The following TSTD2 variants were observed in gnomAD, a reference collection of about 807,000 sequenced individuals.
TSTD2 encodes thiosulfate sulfurtransferase/rhodanese-like domain-containing protein 2.
TSTD2 carries 37 observed loss-of-function variants against 47.9 expected under a neutral mutation model. The observed-to-expected ratio is 0.77, with a 90% CI of 0.59 to 1.02. The LOEUF (loss-of-function observed/expected upper bound fraction) is 1.02, where lower values mean the gene tolerates loss of function less well. TSTD2 is among the 50% of genes least tolerant of loss of function. The pLI, the probability that TSTD2 is intolerant of heterozygous loss-of-function variation, is 0.00. For missense variants in TSTD2, 586 were observed against 616.0 expected (o/e 0.95, Z 0.52); for synonymous variants, 201 against 215.9 (o/e 0.93, Z 0.61).
Position 97,600,233 on chromosome 9 carries a change from C to T in TSTD2, c.*2236G>A, listed in dbSNP as rs1826223166. ...TACTGGATCCAGAACACAATTTTCC[C>T]CTCAGAACAGATAGACAGACTGAAG... On this transcript the variant is annotated 3_prime_UTR_variant, in exon 10 of 10. Transcript: ENST00000341170. 1 of 991,188 alleles carries T rather than the reference C, an allele frequency of 1.0e-6. No homozygotes were observed. The allele number at this position is 991,188 out of a possible 1,614,324, so 61.4% of individuals were successfully genotyped here. A position where few individuals can be genotyped will look rare whatever the true frequency, so the allele number is the denominator to read the frequency against.
intron 4 of TSTD2, 33 bp from the exon 5 acceptor site, chr9:97,611,732 T>C (rs762640956): frequency 4.4e-6 from 7 of 1,585,246 alleles, no homozygotes; most frequent in South Asian, 3.3e-5. Flanking sequence ...AGAGAACAGA[T>C]TGTTCTTAGC....
At chr9:97,604,673 T>C (rs758790346) in intron 9 of TSTD2, 54 bp downstream of exon 9, 4 of 1,609,066 alleles carry the variant, frequency 2.5e-6, no homozygotes, top group Admixed American at 1.7e-5. Flanking sequence ...TCTAGAATAG[T>C]GAACTGACAA....
chr9:97,631,716 T>C (rs1019668093), intron 1 of TSTD2, among the ~76,000 whole-genome samples: 1 of 152,160 alleles, frequency 6.6e-6, no homozygotes, highest in Non-Finnish European at 1.5e-5. Context: ...TGGTGGCGCA[T>C]GTCTGTAATT....
chr9:97,628,115 A>G (rs1826752270), intron 1 of TSTD2, among the ~76,000 whole-genome samples: 1 of 152,398 alleles, frequency 6.6e-6, no homozygotes, highest in African/African-American at 2.4e-5. Flanking sequence ...CAGCACCTTC[A>G]GTTATAAACA....
Position 97,602,254 on chromosome 9 carries a change from G to A in TSTD2, c.*215C>T, listed in dbSNP as rs1268825649. ...ATCCCATGCAGCTCACCTATTTTCT[G>A]TGCTCTAGCATCATCCAAATCAGAA... On this transcript the variant is annotated 3_prime_UTR_variant, in exon 10 of 10. Coordinates refer to ENST00000341170, the MANE Select transcript of TSTD2 (RefSeq NM_139246.5). 8.7e-6 allele frequency: 5 copies of A among 571,488 alleles called. No homozygotes were observed. The highest frequency in any genetic ancestry group is 3.8e-5 in the African/African-American group (2 of 52,980). 35.4% of individuals were successfully genotyped at this position (571,488 alleles called of 1,614,324 possible). A position where few individuals can be genotyped will look rare whatever the true frequency, so the allele number is the denominator to read the frequency against.
chr9:97,618,173 A>C (rs779194927), intron 3 of TSTD2, among the ~76,000 whole-genome samples: 4 of 152,252 alleles, frequency 2.6e-5, no homozygotes, highest in Non-Finnish European at 4.4e-5. Flanking sequence ...TAGAAAAGTT[A>C]GAAATTTGGT....
chr9:97,606,100 G>A (rs1826360978), intron 7 of TSTD2, 43 bp downstream of exon 7: 1 of 1,343,744 alleles, frequency 7.4e-7, no homozygotes, highest in Admixed American at 1.7e-5. Flanking sequence ...TGGGAATGGG[G>A]AGATCTACCA....
At chr9:97,624,255 C>G (rs1826683829) in intron 3 of TSTD2, among the ~76,000 whole-genome samples, 1 of 152,172 alleles carries the variant, frequency 6.6e-6, no homozygotes, top group South Asian at 2.1e-4. Flanking sequence ...ATTGTGGTTT[C>G]TGTCTTGAAG....
In TSTD2 at chr9:97,605,638, G is replaced by A. The variant is rs769814301; in HGVS notation, c.958C>T (p.Arg320Ter). The A allele has an allele frequency of 6.1e-5, 98 of 1,614,092 alleles. No individual in the cohort carries two copies. The highest frequency in any genetic ancestry group is 8.3e-5 in the Admixed American group (5 of 60,004). ...CRNFYESKIG[R>*]FQGCLAPDIR... is the part of the protein sequence containing the mutation. ...TCTGGGGCTAAGCAGCCTTGGAATC[G>A]TCCCTGTAACATAGGAGCAACAAAA... is the stretch of plus-strand genomic sequence containing the variant. Residue 320 changes from arginine to a stop codon, truncating the protein, a stop_gained, in exon 8 of 10, where the codon CGA (arginine) becomes TGA (stop). Transcript: ENST00000341170. LOFTEE classifies it high-confidence loss of function.
chr9:97,625,875 C>A lies in TSTD2; in HGVS notation c.288G>T (p.Val96=), dbSNP rs139382001. The change falls in exon 3 of 10, where the codon GTG becomes GTT. Residue 96 remains valine, a synonymous_variant. Transcript: ENST00000341170. ...AAATTTCATCAGCATGTTGTGTTGC[C>A]ACATGTCTATGGATGCTGGTTTGGT... ...FTDQTSIHRH[V]ATQHADEIYH... is the part of the protein sequence containing the mutation. 1.6e-3 allele frequency: 2,613 copies of A among 1,614,128 alleles called. 33 individuals are homozygous for A. In the African/African-American group the frequency reaches 0.03, roughly 18 times the overall value.
chr9:97,627,444 T>A lies in TSTD2; in HGVS notation c.119A>T (p.Glu40Val). 6.2e-7 allele frequency: 1 copy of A among 1,608,314 alleles called. No individual in the cohort carries two copies. ...LINPSSSLKA[E>V]LDGSTKKKYS... ...TTTCTTTTTTGTACTGCCATCTAAT[T>A]CTGCTTTAAGACTGCTGCTGGGATT... Residue 40 changes from glutamate to valine, a missense_variant, in exon 2 of 10, where the codon GAA becomes GTA. Physicochemically the swap from Glu to Val is moderately radical, Grantham distance 121 (BLOSUM62 -2). Transcript: ENST00000341170.
chr9:97,613,921 C>T (rs1328257017), intron 4 of TSTD2, among the ~76,000 whole-genome samples: 1 of 151,734 alleles, frequency 6.6e-6, no homozygotes, highest in South Asian at 2.1e-4. Context: ...CTCCGCCTCC[C>T]AGGTTCACAC....
At chr9:97,630,831 A>G (rs572470722) in intron 1 of TSTD2, among the ~76,000 whole-genome samples, 1 of 152,336 alleles carries the variant, frequency 6.6e-6, no homozygotes, top group South Asian at 2.1e-4. Context: ...AACATAAAGG[A>G]AATTTTCTGT....
intron 4 of TSTD2, among the ~76,000 whole-genome samples, chr9:97,614,796 TC>T (rs1826517255): frequency 6.6e-6 from 1 of 152,180 alleles, no homozygotes; most frequent in African/African-American, 2.4e-5. Flanking sequence ...TTTCCAGAGT[TC>T]CATGACAAAG....
At position 97,601,097 on chromosome 9, in the gene TSTD2, G is replaced by A. The variant is rs535091350; in HGVS notation, c.*1372C>T. Reference sequence around the variant, plus strand: ...CTGGAGGCGGGGCCAGGGCCTCAGCGCTATGGAAGAGTGTCCACTGAGGCT... The same window carrying A: ...CTGGAGGCGGGGCCAGGGCCTCAGCACTATGGAAGAGTGTCCACTGAGGCT... On this transcript the variant is annotated 3_prime_UTR_variant, in exon 10 of 10. Coordinates refer to ENST00000341170, the MANE Select transcript of TSTD2 (RefSeq NM_139246.5). 1.5e-5 allele frequency: 20 copies of A among 1,304,272 alleles called. No homozygotes were observed. Among genetic ancestry groups the A allele is most frequent in the African/African-American group, 4.5e-5 (3 of 66,000 alleles). 80.8% of individuals were successfully genotyped at this position (1,304,272 alleles called of 1,614,324 possible).
At position 97,604,899 on chromosome 9, in the gene TSTD2, G is replaced by A. The variant is rs201609045; in HGVS notation, c.1114-34C>T. 246 of 1,611,204 alleles carry A rather than the reference G, an allele frequency of 1.5e-4. No individual in the cohort carries two copies. In the Middle Eastern group the frequency reaches 2.1e-3, roughly 13 times the overall value. ...GGAAAAACAACAGGAAATCTGAAGA[G>A]CCAGCAGAGACCTGTTAAGATGCTC... is the stretch of plus-strand genomic sequence containing the variant. On this transcript the variant is annotated intron_variant, in intron 8 of 9. Coordinates refer to ENST00000341170, the MANE Select transcript of TSTD2 (RefSeq NM_139246.5).
chr9:97,619,985 G>A (rs1826604036), intron 3 of TSTD2, among the ~76,000 whole-genome samples: 3 of 152,134 alleles, frequency 2.0e-5, no homozygotes, highest in Admixed American at 6.5e-5. Flanking sequence ...CTAATCCTAT[G>A]ATTCAGTTTT....
At chr9:97,625,628 T>G (rs1311158554) in intron 3 of TSTD2, 53 bp downstream of exon 3, 5 of 1,520,556 alleles carry the variant, frequency 3.3e-6, no homozygotes, top group Non-Finnish European at 4.4e-6. Context: ...AGTATCTCAT[T>G]GTGGTTGGAA....
chr9:97,633,344 T>G lies in TSTD2; in HGVS notation c.-152A>C. On this transcript the variant is annotated 5_prime_UTR_variant, in exon 1 of 10. Transcript: ENST00000341170. Reference sequence around the variant, plus strand: ...TCGAGCCTATTCCCCCGCCGCGTATTTGGGTAGAAAAGCTCGCTCGTGACG... The same window carrying G: ...TCGAGCCTATTCCCCCGCCGCGTATGTGGGTAGAAAAGCTCGCTCGTGACG... The G allele has an allele frequency of 5.6e-6, 2 of 354,744 alleles. No homozygotes were observed. The allele number at this position is 354,744 out of a possible 1,614,324, so 22.0% of individuals were successfully genotyped here. A position where few individuals can be genotyped will look rare whatever the true frequency, so the allele number is the denominator to read the frequency against.
Sources: gnomAD v4.1 joint callset for allele counts (sites outside exome capture counted in the v4.1 genomes callset) on GRCh38, gnomAD v4.1.1 for gene constraint, MANE v1.5 for transcripts, NCBI Gene and HGNC (gene_info 2026-07-23, HGNC 2026-07-21) for gene names.